Variants in CDKAL1 observed in about 807,000 individuals in gnomAD.
CDKAL1 encodes CDKAL1 threonylcarbamoyladenosine tRNA methylthiotransferase.
In CDKAL1, 32 loss-of-function variants were observed where a neutral mutation model predicts 68.2. That is an observed-to-expected ratio of 0.47 (90% CI 0.35 to 0.63). CDKAL1 has a LOEUF of 0.63. CDKAL1 is among the 30% of genes least tolerant of loss of function. The pLI, the probability that CDKAL1 is intolerant of heterozygous loss-of-function variation, is 0.00. For missense variants in CDKAL1, 606 were observed against 696.7 expected (o/e 0.87, Z 1.47); for synonymous variants, 234 against 244.3 (o/e 0.96, Z 0.39).
At chr6:20,641,549 G>A (rs1477814356) in intron 4 of CDKAL1, among the ~76,000 whole-genome samples, 3 of 152,146 alleles carry the variant, frequency 2.0e-5, no homozygotes, top group African/African-American at 7.2e-5. Context: ...TCTTTGCTTA[G>A]AACAGAATTT....
At chr6:20,802,429 A>G (rs972562093) in intron 8 of CDKAL1, among the ~76,000 whole-genome samples, 11 of 151,930 alleles carry the variant, frequency 7.2e-5, no homozygotes, top group African/African-American at 2.2e-4. Context: ...TCCTCACCCT[A>G]TAGTCTCAAA....
intron 6 of CDKAL1, among the ~76,000 whole-genome samples, chr6:20,741,022 G>A (rs1051631674): frequency 2.0e-5 from 3 of 152,084 alleles, no homozygotes; most frequent in Non-Finnish European, 2.9e-5. Flanking sequence ...AAGGAATTAC[G>A]TTAGAGAATA....
chr6:20,833,516 G>A (rs940685201), intron 8 of CDKAL1, among the ~76,000 whole-genome samples: 1 of 151,864 alleles, frequency 6.6e-6, no homozygotes, highest in African/African-American at 2.4e-5. Flanking sequence ...TCCTCTCTGT[G>A]GGATCTAGTG....
intron 4 of CDKAL1, among the ~76,000 whole-genome samples, chr6:20,576,148 G>A (rs1433717522): frequency 6.6e-6 from 1 of 152,194 alleles, no homozygotes; most frequent in East Asian, 1.9e-4. Context: ...ATCTTATTTA[G>A]TGTCTGTGAG....
chr6:21,128,666 A>T (rs1775137526), intron 13 of CDKAL1, among the ~76,000 whole-genome samples: 1 of 152,210 alleles, frequency 6.6e-6, no homozygotes, highest in Admixed American at 6.5e-5. Flanking sequence ...TCACTCACAA[A>T]ATCTGAGTCA....
intron 5 of CDKAL1, among the ~76,000 whole-genome samples, chr6:20,664,843 G>A (rs532950550): frequency 5.9e-4 from 89 of 152,096 alleles, no homozygotes; most frequent in African/African-American, 2.0e-3. Flanking sequence ...ATACCAACTT[G>A]GTAATCGGTA....
At chr6:20,691,863 C>T (rs1339791423) in intron 5 of CDKAL1, among the ~76,000 whole-genome samples, 1 of 151,416 alleles carries the variant, frequency 6.6e-6, no homozygotes, top group East Asian at 1.9e-4. Context: ...TTTTTATTTC[C>T]CATTCTTTTT....
chr6:21,100,074 A>AC (rs1773508378), intron 12 of CDKAL1, among the ~76,000 whole-genome samples: 1 of 152,178 alleles, frequency 6.6e-6, no homozygotes, highest in African/African-American at 2.4e-5. Context: ...TTGCCTAAAG[A>AC]CCTGCCAGGA....
At chr6:20,604,477 A>G (rs1323790065) in intron 4 of CDKAL1, among the ~76,000 whole-genome samples, 1 of 152,090 alleles carries the variant, frequency 6.6e-6, no homozygotes, top group Non-Finnish European at 1.5e-5. Context: ...CTGCATATGG[A>G]TTTGCTTTCT....
At chr6:21,135,797 G>A (rs755617713) in intron 13 of CDKAL1, 13 of 615,886 alleles carry the variant, frequency 2.1e-5, no homozygotes, top group South Asian at 7.2e-5. Flanking sequence ...CCAGTGCTCC[G>A]CTTCTCCATT....
intron 5 of CDKAL1, among the ~76,000 whole-genome samples, chr6:20,720,372 C>T (rs915534828): frequency 1.3e-5 from 2 of 151,996 alleles, no homozygotes; most frequent in East Asian, 3.8e-4. Context: ...TGTCCACCAC[C>T]CACGTACAGC....
chr6:21,100,699 AT>A (rs5874801), intron 12 of CDKAL1, among the ~76,000 whole-genome samples: 3 of 151,578 alleles, frequency 2.0e-5, no homozygotes, highest in Non-Finnish European at 2.9e-5. Context: ...ATTTTGGGGT[AT>A]TTTTTTTATC....
chr6:20,866,355 G>A (rs1759907708), intron 9 of CDKAL1, among the ~76,000 whole-genome samples: 2 of 152,098 alleles, frequency 1.3e-5, no homozygotes, highest in Non-Finnish European at 2.9e-5. Context: ...AGCATCTTAG[G>A]CAGCTGTTCT....
intron 9 of CDKAL1, among the ~76,000 whole-genome samples, chr6:20,894,959 A>AAAT (rs550851815): frequency 9.6e-4 from 146 of 152,224 alleles, no homozygotes; most frequent in African/African-American, 3.4e-3. Flanking sequence ...TTTTTTAATG[A>AAAT]AATAATATGT....
At chr6:20,910,167 T>A (rs1439853442) in intron 9 of CDKAL1, among the ~76,000 whole-genome samples, 1 of 152,246 alleles carries the variant, frequency 6.6e-6, no homozygotes, top group African/African-American at 2.4e-5. Flanking sequence ...AAGAATGACT[T>A]GAGCTACTGG....
intron 4 of CDKAL1, among the ~76,000 whole-genome samples, chr6:20,636,924 CT>C (rs1375455126): frequency 6.6e-6 from 1 of 151,430 alleles, no homozygotes; most frequent in Non-Finnish European, 1.5e-5. Context: ...GTAATCCCAG[CT>C]ACTCGGGAGG....
At chr6:21,090,516 A>G (rs1259993007) in intron 12 of CDKAL1, among the ~76,000 whole-genome samples, 1 of 152,198 alleles carries the variant, frequency 6.6e-6, no homozygotes, top group African/African-American at 2.4e-5. Context: ...CTACTTTCAT[A>G]ATTCCCTTTG....
intron 10 of CDKAL1, among the ~76,000 whole-genome samples, chr6:20,981,783 G>A (rs1766163428): frequency 6.6e-6 from 1 of 152,190 alleles, no homozygotes; most frequent in South Asian, 2.1e-4. Context: ...AGAGGTTGCA[G>A]TGAGCCAAAA....
chr6:20,848,673 G>A lies in CDKAL1; in HGVS notation c.742+2495G>A, dbSNP rs559712768. Among the ~76,000 whole-genome samples, 6 of 152,110 alleles carry A rather than the reference G, an allele frequency of 3.9e-5. No homozygotes were observed. In the South Asian group the frequency reaches 1.2e-3, roughly 32 times the overall value. ...AATGTTTGCAACATCAGGTTTTTCT[G>A]TTGCCTTATTATCTGTGTATTAGAA... On this transcript the variant is annotated intron_variant, in intron 9 of 15. Coordinates refer to ENST00000274695, the MANE Select transcript of CDKAL1 (RefSeq NM_017774.3).
Sources: gnomAD v4.1 joint callset for allele counts (sites outside exome capture counted in the v4.1 genomes callset) on GRCh38, gnomAD v4.1.1 for gene constraint, MANE v1.5 for transcripts, NCBI Gene and HGNC (gene_info 2026-07-23, HGNC 2026-07-21) for gene names.